The following CUX2 variants were observed in gnomAD, a reference collection of about 807,000 sequenced individuals.
The protein encoded by CUX2 is homeobox protein cut-like 2.
A neutral mutation model predicts 144.8 loss-of-function variants in CUX2; 40 were observed. The ratio of observed to expected loss-of-function variants is 0.28; its 90% CI spans 0.21 to 0.36. The LOEUF is 0.36. Among genes scored for constraint, CUX2 ranks in the 10% least tolerant of loss-of-function variants. The probability of loss-of-function intolerance (pLI) is 1.00; values close to 1 mark genes in which losing one functional copy is unlikely to be tolerated. For synonymous variants in CUX2, 827 were observed against 875.6 expected, an observed-to-expected ratio of 0.94 and a Z score of 0.98; for missense variants, 1,615 against 1,994.0, an observed-to-expected ratio of 0.81 and a Z score of 3.62.
At chr12:111,224,447 C>T (rs550589818) in intron 3 of CUX2, among the ~76,000 whole-genome samples, 4 of 151,882 alleles carry the variant, frequency 2.6e-5, no homozygotes, top group African/African-American at 9.7e-5. Context: ...GGTTCCTGTG[C>T]CCCCCTTCTG....
chr12:111,307,174 T>C lies in CUX2; in HGVS notation c.1051-25T>C. On this transcript the variant is annotated intron_variant, in intron 11 of 21. Coordinates refer to ENST00000261726, the MANE Select transcript of CUX2 (RefSeq NM_015267.4). The surrounding 1 kb of genome is among the most constrained non-coding windows in gnomAD (Gnocchi z 4.1). ...CCATGCAGAAGCACACAGACCAGCC[T>C]CACCATCTTTCTTTGCTCTTCTAGA... 6.2e-7 allele frequency: 1 copy of C among 1,614,020 alleles called. No individual in the cohort carries two copies. Among genetic ancestry groups the C allele is most frequent in the Non-Finnish European group, 8.5e-7 (1 of 1,179,956 alleles).
intron 3 of CUX2, among the ~76,000 whole-genome samples, chr12:111,220,608 A>G (rs748074704): frequency 3.3e-5 from 5 of 151,858 alleles, no homozygotes; most frequent in Non-Finnish European, 5.9e-5. Context: ...AAATAAGGCT[A>G]ACAATAAGGA....
rs1175497717 is a variant in CUX2, at chr12:111,059,873, C to A, written c.63+25633C>A. On this transcript the variant is annotated intron_variant, in intron 1 of 21. Transcript: ENST00000261726. This position sits in a 1 kb window ranked among gnomAD's most constrained non-coding sequence, Gnocchi z 5.3. Reference sequence around the variant, plus strand: ...CCCCTACCAGACTTAAGCCTGACTTCTGGGGAAGCCCCCTTCCCTGCCCCC... The same window carrying A: ...CCCCTACCAGACTTAAGCCTGACTTATGGGGAAGCCCCCTTCCCTGCCCCC... Among the ~76,000 whole-genome samples the A allele has an allele frequency of 6.6e-6, 1 of 152,128 alleles. No homozygotes were observed. The highest frequency in any genetic ancestry group is 1.5e-5 in the Non-Finnish European group (1 of 68,020).
At chr12:111,108,202 G>T (rs1408076838) in intron 1 of CUX2, among the ~76,000 whole-genome samples, 1 of 152,134 alleles carries the variant, frequency 6.6e-6, no homozygotes, top group Non-Finnish European at 1.5e-5. Context: ...TGCATTTTGG[G>T]CTACAGGAGT....
At chr12:111,121,935 G>A (rs965137899) in intron 1 of CUX2, among the ~76,000 whole-genome samples, 3 of 150,788 alleles carry the variant, frequency 2.0e-5, no homozygotes, top group African/African-American at 7.3e-5. Flanking sequence ...CAGGTGCTAC[G>A]AGTTCTCAAA....
intron 1 of CUX2, among the ~76,000 whole-genome samples, chr12:111,156,909 C>T (rs970488405): frequency 7.0e-6 from 1 of 143,212 alleles, no homozygotes; most frequent in Non-Finnish European, 1.5e-5. Context: ...TTGCTTGAAT[C>T]CAGGAGACGG....
intron 1 of CUX2, among the ~76,000 whole-genome samples, chr12:111,084,357 T>C (rs1289420211): frequency 6.6e-6 from 1 of 152,230 alleles, no homozygotes; most frequent in Non-Finnish European, 1.5e-5. Context: ...CCCTGTCCCC[T>C]GCTTTAGCAG....
At chr12:111,258,761 C>T (rs1053352712) in intron 3 of CUX2, among the ~76,000 whole-genome samples, 1 of 152,164 alleles carries the variant, frequency 6.6e-6, no homozygotes, top group Non-Finnish European at 1.5e-5. Flanking sequence ...TCACAGCTCA[C>T]TGCAGCCTCG....
At chr12:111,113,801 C>T (rs1235621839) in intron 1 of CUX2, among the ~76,000 whole-genome samples, 2 of 152,228 alleles carry the variant, frequency 1.3e-5, no homozygotes, top group Non-Finnish European at 2.9e-5. Context: ...AAGTGATCCA[C>T]CTACCTCAGC....
intron 20 of CUX2, among the ~76,000 whole-genome samples, chr12:111,341,420 C>T (rs563114500): frequency 3.3e-4 from 50 of 152,304 alleles, no homozygotes; most frequent in African/African-American, 1.0e-3. Context: ...ATGACTGCAC[C>T]GCTGTACTCC....
chr12:111,310,874 C>T lies in CUX2; in HGVS notation c.1900+192C>T, dbSNP rs1886865383. On this transcript the variant is annotated intron_variant, in intron 15 of 21. Coordinates refer to ENST00000261726, the MANE Select transcript of CUX2 (RefSeq NM_015267.4). The surrounding 1 kb of genome is among the most constrained non-coding windows in gnomAD (Gnocchi z 7.9). ...TGTAAAAGCAGGAAATACATCCTCG[C>T]TCTCTCCTTCCTGGCCCTGGCCAGA... 1.3e-5 allele frequency among the ~76,000 whole-genome samples: 2 copies of T among 152,268 alleles called. No individual in the cohort carries two copies. The highest frequency in any genetic ancestry group is 4.8e-5 in the African/African-American group (2 of 41,482).
At chr12:111,164,178 T>C (rs1435137839) in intron 1 of CUX2, among the ~76,000 whole-genome samples, 1 of 152,022 alleles carries the variant, frequency 6.6e-6, no homozygotes, top group East Asian at 1.9e-4. Flanking sequence ...TCCTGCAAAA[T>C]GGAGGGAATT....
intron 1 of CUX2, among the ~76,000 whole-genome samples, chr12:111,179,147 C>T (rs183263793): frequency 8.5e-5 from 13 of 152,264 alleles, no homozygotes; most frequent in Admixed American, 7.8e-4. Flanking sequence ...ATTGAGGATC[C>T]CCTCACAGGG....
intron 1 of CUX2, among the ~76,000 whole-genome samples, chr12:111,041,726 AGTGCCAGGGCCCT>A (rs1177467161): frequency 2.0e-5 from 3 of 152,214 alleles, no homozygotes; most frequent in Non-Finnish European, 4.4e-5. Context: ...GGGAACACCC[AGTGCCAGGGCCCT>A]GTGCCAGGGG....
intron 1 of CUX2, among the ~76,000 whole-genome samples, chr12:111,097,373 C>T (rs1309140793): frequency 6.6e-6 from 1 of 152,246 alleles, no homozygotes; most frequent in African/African-American, 2.4e-5. Context: ...ACACACTGCT[C>T]ACCTGCTTGT....
chr12:111,139,061 CT>C lies in CUX2; in HGVS notation c.64-75138del, dbSNP rs1404227199. Among the ~76,000 whole-genome samples, 7 of 151,840 alleles carry C rather than the reference CT, an allele frequency of 4.6e-5. No individual in the cohort carries two copies. The East Asian group carries it at 1.2e-3, about 25-fold the overall frequency. ...AACCCGACCCAAGACAGAATCCCAT[CT>C]GGACTACAGGCCCGTCTTTGATCGC... On this transcript the variant is annotated intron_variant, in intron 1 of 21. Transcript: ENST00000261726.
At chr12:111,137,498 A>G (rs1437828842) in intron 1 of CUX2, among the ~76,000 whole-genome samples, 1 of 151,904 alleles carries the variant, frequency 6.6e-6, no homozygotes, top group South Asian at 2.1e-4. Flanking sequence ...ATTTTTATAA[A>G]CTTTATTTAT....
chr12:111,339,251 A>G (rs1157599313), intron 20 of CUX2, among the ~76,000 whole-genome samples: 1 of 151,912 alleles, frequency 6.6e-6, no homozygotes. Flanking sequence ...GAAAGAAACA[A>G]AAGGAAACCT....
chr12:111,308,600 C>T, intron 14 of CUX2, 74 bp downstream of exon 14: 1 of 1,263,246 alleles, frequency 7.9e-7, no homozygotes, highest in Non-Finnish European at 1.1e-6. Context: ...TTCTCATGCC[C>T]AAGGACCACT....
Sources: gnomAD v4.1 joint callset for allele counts (sites outside exome capture counted in the v4.1 genomes callset) on GRCh38, gnomAD v4.1.1 for gene constraint, Gnocchi (gnomAD v3.1) non-coding constraint, MANE v1.5 for transcripts, NCBI Gene and HGNC (gene_info 2026-07-23, HGNC 2026-07-21) for gene names.